The following TRAPPC9 variants were observed in gnomAD, a reference collection of about 807,000 sequenced individuals.
The protein encoded by TRAPPC9 is trafficking protein particle complex subunit 9, also known as IKK2 binding protein.
TRAPPC9 carries 83 observed loss-of-function variants against 124.0 expected under a neutral mutation model. That is an observed-to-expected ratio of 0.67 (90% CI 0.56 to 0.80). The LOEUF (loss-of-function observed/expected upper bound fraction) is 0.80. TRAPPC9 is among the 30% of genes least tolerant of loss of function. TRAPPC9 has a pLI of 0.00. For missense variants in TRAPPC9, 1,302 were observed against 1,508.3 expected (o/e 0.86, Z 2.27); for synonymous variants, 638 against 617.5 (o/e 1.03, Z -0.49).
chr8:139,754,610 C>A (rs1441164410), intron 21 of TRAPPC9, among the ~76,000 whole-genome samples: 1 of 152,226 alleles, frequency 6.6e-6, no homozygotes, highest in East Asian at 1.9e-4. Context: ...AAGAAGCCAT[C>A]CCAACTCCCA....
chr8:140,259,040 C>G (rs1014836813), intron 15 of TRAPPC9, among the ~76,000 whole-genome samples: 1 of 152,238 alleles, frequency 6.6e-6, no homozygotes, highest in Non-Finnish European at 1.5e-5. Context: ...GCGGAGGAAG[C>G]AGCAGAGGGC....
At chr8:139,896,055 T>G (rs1291455227) in intron 20 of TRAPPC9, among the ~76,000 whole-genome samples, 1 of 152,228 alleles carries the variant, frequency 6.6e-6, no homozygotes, top group Non-Finnish European at 1.5e-5. Flanking sequence ...TGTATTAATT[T>G]GCTTTCGGAC....
At chr8:140,316,376 T>C (rs1046349253) in intron 9 of TRAPPC9, among the ~76,000 whole-genome samples, 1 of 152,204 alleles carries the variant, frequency 6.6e-6, no homozygotes, top group Non-Finnish European at 1.5e-5. Context: ...TTAGAACATA[T>C]TTGTTTCATT....
chr8:139,923,705 T>C (rs931843166), intron 19 of TRAPPC9, among the ~76,000 whole-genome samples: 3 of 152,184 alleles, frequency 2.0e-5, no homozygotes, highest in African/African-American at 2.4e-5. Context: ...TTCTAGCACC[T>C]GACTCAATGC....
At chr8:140,158,289 C>A (rs1365104909) in intron 17 of TRAPPC9, among the ~76,000 whole-genome samples, 1 of 152,196 alleles carries the variant, frequency 6.6e-6, no homozygotes, top group Non-Finnish European at 1.5e-5. Flanking sequence ...AGGGGATTAT[C>A]CTGGCTTATC....
intron 14 of TRAPPC9, among the ~76,000 whole-genome samples, chr8:140,281,159 G>C (rs1168954422): frequency 6.6e-6 from 1 of 152,238 alleles, no homozygotes; most frequent in Non-Finnish European, 1.5e-5. Context: ...GTACCTAGGA[G>C]TGGAGTTGTT....
intron 16 of TRAPPC9, among the ~76,000 whole-genome samples, chr8:140,223,554 C>T (rs570770931): frequency 9.2e-5 from 14 of 152,262 alleles, no homozygotes; most frequent in Non-Finnish European, 1.5e-4. Flanking sequence ...ATATCTCAAA[C>T]GAACCCATCT....
intron 7 of TRAPPC9, among the ~76,000 whole-genome samples, chr8:140,374,987 A>T (rs1024989278): frequency 1.3e-5 from 2 of 152,216 alleles, no homozygotes; most frequent in Non-Finnish European, 2.9e-5. Context: ...TAAAGCCCTA[A>T]AACGGTTCCT....
At chr8:140,380,926 C>T (rs893506878) in intron 7 of TRAPPC9, among the ~76,000 whole-genome samples, 13 of 151,878 alleles carry the variant, frequency 8.6e-5, no homozygotes, top group South Asian at 4.1e-4. Flanking sequence ...TGAAATGGGC[C>T]GGGCATGGTG....
intron 4 of TRAPPC9, among the ~76,000 whole-genome samples, chr8:140,430,956 C>A (rs2070618442): frequency 6.6e-6 from 1 of 152,034 alleles, no homozygotes; most frequent in African/African-American, 2.4e-5. Flanking sequence ...GTGGTTTCAT[C>A]ACTAATAAGG....
intron 4 of TRAPPC9, among the ~76,000 whole-genome samples, chr8:140,432,208 G>GT (rs1050990361): frequency 1.3e-5 from 2 of 152,082 alleles, no homozygotes; most frequent in Admixed American, 6.6e-5. Flanking sequence ...AAAAAAAAAG[G>GT]TAACAAATTT....
chr8:140,161,944 C>T (rs904804268), intron 17 of TRAPPC9, among the ~76,000 whole-genome samples: 5 of 152,120 alleles, frequency 3.3e-5, no homozygotes, highest in Non-Finnish European at 4.4e-5. Context: ...CGGGCAGCCT[C>T]CCGCAGCCAA....
intron 9 of TRAPPC9, among the ~76,000 whole-genome samples, chr8:140,351,133 A>T (rs2067557864): frequency 6.8e-6 from 1 of 146,748 alleles, no homozygotes; most frequent in Non-Finnish European, 1.5e-5. Context: ...CCGCGTGGGT[A>T]GTCAGGTAAA....
intron 9 of TRAPPC9, among the ~76,000 whole-genome samples, chr8:140,323,900 T>G (rs1160234378): frequency 6.6e-6 from 1 of 152,228 alleles, no homozygotes; most frequent in Non-Finnish European, 1.5e-5. Context: ...AAATATATTT[T>G]TTTTTATTTG....
At chr8:140,369,853 G>A (rs2068227215) in intron 8 of TRAPPC9, among the ~76,000 whole-genome samples, 3 of 152,246 alleles carry the variant, frequency 2.0e-5, no homozygotes, top group Non-Finnish European at 2.9e-5. Context: ...TCAGGAGGCT[G>A]AGGCAGGAGA....
intron 19 of TRAPPC9, among the ~76,000 whole-genome samples, chr8:139,922,507 C>G (rs1376977868): frequency 6.6e-6 from 1 of 152,236 alleles, no homozygotes; most frequent in Non-Finnish European, 1.5e-5. Context: ...CTTCACAAAG[C>G]AGATGAGGAA....
intron 17 of TRAPPC9, among the ~76,000 whole-genome samples, chr8:140,128,929 C>G (rs1338986554): frequency 6.6e-6 from 1 of 151,116 alleles, no homozygotes; most frequent in African/African-American, 2.4e-5. Flanking sequence ...TTTAACAAAC[C>G]TGCACGTTGT....
intron 17 of TRAPPC9, among the ~76,000 whole-genome samples, chr8:140,135,784 C>T (rs138027213): frequency 6.6e-6 from 1 of 152,284 alleles, no homozygotes; most frequent in African/African-American, 2.4e-5. Context: ...AAATTACATA[C>T]AAATGTCGCA....
intron 21 of TRAPPC9, among the ~76,000 whole-genome samples, chr8:139,786,738 G>A (rs930221445): frequency 2.6e-5 from 4 of 152,164 alleles, no homozygotes; most frequent in African/African-American, 9.7e-5. Context: ...GAACAAAAGA[G>A]CTACCGGGAC....
Sources: gnomAD v4.1 joint callset for allele counts (sites outside exome capture counted in the v4.1 genomes callset) on GRCh38, gnomAD v4.1.1 for gene constraint, MANE v1.5 for transcripts, NCBI Gene and HGNC (gene_info 2026-07-23, HGNC 2026-07-21) for gene names.